OTULIN: variants seen among roughly 807,000 people sequenced by gnomAD.
OTULIN encodes the protein OTU deubiquitinase with linear linkage specificity, also known as ubiquitin thioesterase otulin.
In OTULIN, 15 loss-of-function variants were observed where a neutral mutation model predicts 39.6. The ratio of observed to expected loss-of-function variants is 0.38; its 90% CI spans 0.25 to 0.58. OTULIN has a LOEUF of 0.58. OTULIN is among the 20% of genes least tolerant of loss of function. OTULIN has a pLI of 0.66. For synonymous variants in OTULIN, 156 were observed against 170.3 expected (o/e 0.92, Z 0.65); for missense variants, 319 against 445.9 (o/e 0.72, Z 2.56).
chr5:14,676,024 C>A lies in OTULIN; in HGVS notation c.229+2306C>A, dbSNP rs766752022. Among the ~76,000 whole-genome samples the A allele has an allele frequency of 4.3e-4, 65 of 152,150 alleles. 1 individual carries two copies. The highest frequency in any genetic ancestry group is 1.3e-3 in the Admixed American group (20 of 15,282). ...GACAGAAACCTTATGGCTCTCCAAG[C>A]CTTAACTTATTTCCTGTCTGGCCCG... On this transcript the variant is annotated intron_variant, in intron 2 of 6. Transcript: ENST00000284274.
chr5:14,664,754 G>C lies in OTULIN; in HGVS notation c.-72G>C. 9.1e-7 allele frequency: 1 copy of C among 1,095,910 alleles called. No individual in the cohort carries two copies. 67.9% of individuals were successfully genotyped at this position (1,095,910 alleles called of 1,614,324 possible). ...CGGCGGCTGAGAGGCTGCGGCCACTGCCTGGCACCCCGACGGGAGGGGCTC... is the reference window on the plus strand; with the variant it reads ...CGGCGGCTGAGAGGCTGCGGCCACTCCCTGGCACCCCGACGGGAGGGGCTC... On this transcript the variant is annotated 5_prime_UTR_variant, in exon 1 of 7. Transcript: ENST00000284274.
In OTULIN at chr5:14,696,563, A is replaced by G. The variant is rs1736674471; in HGVS notation, c.*3515A>G. On this transcript the variant is annotated 3_prime_UTR_variant, in exon 7 of 7. Coordinates refer to ENST00000284274, the MANE Select transcript of OTULIN (RefSeq NM_138348.6). ...GGGCGCAATATCAAGTAATTTAAAA[A>G]TGGTCCAAGGAACTGTAAGAAGGAG... 1 of 152,262 alleles carries G rather than the reference A, an allele frequency of 6.6e-6. No homozygotes were observed. Among genetic ancestry groups the G allele is most frequent in the African/African-American group, 2.4e-5 (1 of 41,470 alleles). The allele number at this position is 152,262 out of a possible 1,614,324, so 9.4% of individuals were successfully genotyped here. A position where few individuals can be genotyped will look rare whatever the true frequency, so the allele number is the denominator to read the frequency against.
the OTULIN span, chr5:14,709,770 A>G: frequency 6.5e-6 from 1 of 152,672 alleles, no homozygotes; most frequent in African/African-American, 2.4e-5. Context: ...TCATTGATAC[A>G]ATACGTTTCA....
rs527780662 is a variant in OTULIN, at chr5:14,665,983, G to A, written c.152+1006G>A. 2.6e-4 allele frequency among the ~76,000 whole-genome samples: 40 copies of A among 152,336 alleles called. No individual in the cohort carries two copies. The South Asian group carries it at 7.7e-3, about 29-fold the overall frequency. On this transcript the variant is annotated intron_variant, in intron 1 of 6. Coordinates refer to ENST00000284274, the MANE Select transcript of OTULIN (RefSeq NM_138348.6). ...TACCTTTTAGCATGAGATTGGAGGG[G>A]AGAAATATCCAAATCATATCAGAGA...
the OTULIN span, chr5:14,711,171 C>A: frequency 1.3e-6 from 2 of 1,561,532 alleles, no homozygotes; most frequent in Admixed American, 3.3e-5. Flanking sequence ...CTGACTGTCC[C>A]TGCAGTGCCC....
At position 14,693,106 on chromosome 5, in the gene OTULIN, G is replaced by A; in HGVS notation, c.*58G>A. On this transcript the variant is annotated 3_prime_UTR_variant, in exon 7 of 7. Coordinates refer to ENST00000284274, the MANE Select transcript of OTULIN (RefSeq NM_138348.6). ...GCGAAGATGCACAGGTGGCTCCTGG[G>A]CTTGGGCTGCAGGTTTGGGGGTCTC... 1 of 1,502,058 alleles carries A rather than the reference G, an allele frequency of 6.7e-7. No individual in the cohort carries two copies. Among genetic ancestry groups the A allele is most frequent in the Admixed American group, 2.0e-5 (1 of 49,748 alleles). 93.0% of individuals were successfully genotyped at this position (1,502,058 alleles called of 1,614,324 possible). A position where few individuals can be genotyped will look rare whatever the true frequency, so the allele number is the denominator to read the frequency against.
chr5:14,664,724 C>A lies in OTULIN; in HGVS notation c.-102C>A. The A allele has an allele frequency of 9.4e-7, 1 of 1,067,956 alleles. No homozygotes were observed. Among genetic ancestry groups the A allele is most frequent in the Non-Finnish European group, 1.1e-6 (1 of 878,720 alleles). 66.2% of individuals were successfully genotyped at this position (1,067,956 alleles called of 1,614,324 possible). ...AAGCGCTCTGCGGGCCCTCGGAAAC[C>A]GCCCCGGCGGCTGAGAGGCTGCGGC... On this transcript the variant is annotated 5_prime_UTR_variant, in exon 1 of 7. Transcript: ENST00000284274.
chr5:14,678,747 A>G lies in OTULIN; in HGVS notation c.296A>G (p.Asn99Ser). 2 of 1,610,222 alleles carry G rather than the reference A, an allele frequency of 1.2e-6. No homozygotes were observed. Among genetic ancestry groups the G allele is most frequent in the Non-Finnish European group, 1.7e-6 (2 of 1,178,602 alleles). The stretch of plus-strand genomic sequence containing the variant: ...TACTGCAAAAAAGAATGGAGAGGAA[A>G]TACACAGAAAGCAACGTGTATGAAA... ...MDYCKKEWRG[N>S]TQKATCMKMG... The change falls in exon 3 of 7, where the codon AAT becomes AGT. Residue 99 changes from asparagine to serine, a missense_variant. Transcript: ENST00000284274.
chr5:14,672,997 G>C (rs768651644), intron 1 of OTULIN, among the ~76,000 whole-genome samples: 1 of 152,062 alleles, frequency 6.6e-6, no homozygotes, highest in Non-Finnish European at 1.5e-5. Context: ...GTGGGCTCTT[G>C]CTAGTTAACT....
rs1296118468 is a variant in OTULIN at position 14,695,443 on chromosome 5, AGAAAG to A, written c.*2399_*2403del. The A allele has an allele frequency of 6.6e-6, 1 of 152,206 alleles. No homozygotes were observed. The highest frequency in any genetic ancestry group is 1.5e-5 in the Non-Finnish European group (1 of 68,038). The allele number at this position is 152,206 out of a possible 1,614,324, so 9.4% of individuals were successfully genotyped here. ...CTTCAAAATGATAAGGTGTTCTAGA[AGAAAG>A]GAATGTAGTAGGAACTATACTATGC... On this transcript the variant is annotated 3_prime_UTR_variant, in exon 7 of 7. Coordinates refer to ENST00000284274, the MANE Select transcript of OTULIN (RefSeq NM_138348.6).
intron 1 of OTULIN, among the ~76,000 whole-genome samples, chr5:14,665,222 G>C (rs1579955653): frequency 6.6e-6 from 1 of 152,238 alleles, no homozygotes; most frequent in African/African-American, 2.4e-5. Context: ...TTTGATATCT[G>C]CATGTCTGAA....
intron 6 of OTULIN, among the ~76,000 whole-genome samples, chr5:14,691,552 G>A (rs1034634278): frequency 6.6e-6 from 1 of 151,402 alleles, no homozygotes; most frequent in Admixed American, 6.6e-5. Context: ...ACTAAAGTTA[G>A]TCTTTTCCGA....
At chr5:14,665,201 C>T (rs1735802567) in intron 1 of OTULIN, among the ~76,000 whole-genome samples, 1 of 152,252 alleles carries the variant, frequency 6.6e-6, no homozygotes, top group African/African-American at 2.4e-5. Flanking sequence ...TGACTCCCCT[C>T]TCGTCTCATT....
At chr5:14,692,775 G>C in intron 6 of OTULIN, 79 bp from the exon 7 acceptor site, 1 of 1,283,554 alleles carries the variant, frequency 7.8e-7, no homozygotes, top group African/African-American at 1.5e-5. Flanking sequence ...TGCACTGTGG[G>C]ATAATGGATG....
At chr5:14,678,883 C>A in intron 3 of OTULIN, 108 bp downstream of exon 3, 2 of 647,350 alleles carry the variant, frequency 3.1e-6, no homozygotes, top group Non-Finnish European at 5.0e-6. Flanking sequence ...CTGCTATAGA[C>A]GTTGTTATTG....
chr5:14,673,872 C>T, intron 2 of OTULIN, 154 bp downstream of exon 2: 1 of 537,242 alleles, frequency 1.9e-6, no homozygotes, highest in Non-Finnish European at 3.1e-6. Context: ...ATGTTAGAGA[C>T]TGTTTCCTGA....
At chr5:14,688,280 G>A (rs1344904411) in intron 5 of OTULIN, among the ~76,000 whole-genome samples, 2 of 152,072 alleles carry the variant, frequency 1.3e-5, no homozygotes, top group East Asian at 3.8e-4. Flanking sequence ...TGAGCAGCTT[G>A]GAGCCCTTCT....
At chr5:14,705,111 C>T in the OTULIN span, 1 of 152,140 alleles carries the variant, frequency 6.6e-6, no homozygotes, top group Non-Finnish European at 1.5e-5. Flanking sequence ...CCTCCTGCCT[C>T]AGCCTCCCAA....
chr5:14,678,090 G>A (rs1736150791), intron 2 of OTULIN, among the ~76,000 whole-genome samples: 1 of 152,106 alleles, frequency 6.6e-6, no homozygotes, highest in Non-Finnish European at 1.5e-5. Flanking sequence ...TATTTCAGGT[G>A]TTGATGAGTG....
Sources: allele counts gnomAD v4.1 joint callset (sites outside exome capture counted in the v4.1 genomes callset), GRCh38; gene constraint gnomAD v4.1.1; transcripts MANE v1.5; gene names NCBI Gene and HGNC (gene_info 2026-07-23, HGNC 2026-07-21).